TONSL: variants seen among roughly 807,000 people sequenced by gnomAD.
TONSL encodes tonsoku-like protein.
In TONSL, 112 loss-of-function variants were observed where a neutral mutation model predicts 147.1. That is an observed-to-expected ratio of 0.76 (90% CI 0.65 to 0.89). TONSL has a LOEUF of 0.89. Ranked by LOEUF, TONSL falls within the 40% of genes least tolerant of loss-of-function variation. TONSL has a pLI of 0.00. For synonymous variants in TONSL, 868 were observed against 801.5 expected (o/e 1.08, Z -1.40); for missense variants, 1,883 against 1,864.6 (o/e 1.01, Z -0.18).
chr8:144,431,266 GT>G, intron 23 of TONSL, 115 bp from the exon 24 acceptor site: 1 of 916,948 alleles, frequency 1.1e-6, no homozygotes, highest in Non-Finnish European at 1.7e-6. Context: ...CCCCCATCAA[GT>G]TGGAGATCGG....
In TONSL at chr8:144,429,106, G is replaced by C; in HGVS notation, c.*37C>G. 1 of 1,486,576 alleles carries C rather than the reference G, an allele frequency of 6.7e-7. No homozygotes were observed. Among genetic ancestry groups the C allele is most frequent in the Non-Finnish European group, 8.9e-7 (1 of 1,123,652 alleles). 92.1% of individuals were successfully genotyped at this position (1,486,576 alleles called of 1,614,324 possible). A position where few individuals can be genotyped will look rare whatever the true frequency, so the allele number is the denominator to read the frequency against. On this transcript the variant is annotated 3_prime_UTR_variant, in exon 26 of 26. Coordinates refer to ENST00000409379, the MANE Select transcript of TONSL (RefSeq NM_013432.5). ...GCCCGGCCAGCAGCTTCATTTATTA[G>C]GGGCTTCGGTGAGGGTGGGGAAAGG...
chr8:144,434,140 C>T lies in TONSL; in HGVS notation c.3225G>A (p.Leu1075=). The change falls in exon 21 of 26, where the codon CTG becomes CTA. Residue 1075 remains leucine, a synonymous_variant. Coordinates refer to ENST00000409379, the MANE Select transcript of TONSL (RefSeq NM_013432.5). ...CCCCCAGCCGGTTCCCTGCCAGGCG[C>T]AGCTCCCGGAGTGCTGTGTGCAGCT... is the stretch of plus-strand genomic sequence containing the variant. The part of the protein sequence containing the change: ...ALKLHTALRE[L]RLAGNRLGDK... 1 of 1,611,756 alleles carries T rather than the reference C, an allele frequency of 6.2e-7. No individual in the cohort carries two copies.
rs747205042 is a variant in TONSL, at chr8:144,435,938, G to T, written c.2495C>A (p.Ala832Asp). ...CATGTCCAGCTCCAGCCAGTCCCCG[G>T]CCAGGCACTCCTCCTCCGGGATGAG... The part of the protein sequence containing the change: ...AALIPEEECL[A>D]GDWLELDMPL... Residue 832 changes from alanine (A) to aspartate (D), a missense_variant, in exon 17 of 26, where the codon GCC becomes GAC. Physicochemically the swap from Ala to Asp is moderately radical, Grantham distance 126. Coordinates refer to ENST00000409379, the MANE Select transcript of TONSL (RefSeq NM_013432.5). 1.9e-6 allele frequency: 3 copies of T among 1,566,270 alleles called. No homozygotes were observed. The highest frequency in any genetic ancestry group is 3.5e-5 in the Admixed American group (2 of 57,014).
At chr8:144,429,838 G>A (rs1395956254) in intron 25 of TONSL, among the ~76,000 whole-genome samples, 1 of 152,162 alleles carries the variant, frequency 6.6e-6, no homozygotes, top group Non-Finnish European at 1.5e-5. Context: ...GCAGAGCCCC[G>A]CTTCGTGCAC....
chr8:144,429,228 G>C lies in TONSL; in HGVS notation c.4052C>G (p.Ala1351Gly). ...CCGACTGGGCTGCAGCTGGCGCAGG[G>C]CGTCCCTGTCCTCAGCGCAGAGGCG... ...SRRLCAEDRDALRQLQPSRPG... is the reference protein window; with the variant it reads ...SRRLCAEDRDGLRQLQPSRPG... Residue 1351 changes from alanine to glycine, a missense_variant, in exon 26 of 26, where the codon GCC becomes GGC. Transcript: ENST00000409379. 19 of 1,536,082 alleles carry C rather than the reference G, an allele frequency of 1.2e-5. No individual in the cohort carries two copies. The highest frequency in any genetic ancestry group is 1.7e-5 in the Non-Finnish European group (19 of 1,144,888).
chr8:144,437,635 G>C (rs538913741), intron 13 of TONSL: 6 of 156,452 alleles, frequency 3.8e-5, no homozygotes, highest in Admixed American at 1.2e-4. Context: ...ACAGAGTCTC[G>C]CTCTGTCACC....
In TONSL at chr8:144,430,447, G is replaced by A; in HGVS notation, c.3900C>T (p.Thr1300=). ...TAAGGCCTTGGGGCCGCTTTTGGAG[G>A]GTGGACAGGAGCTCTTCCAAGCTGG... ...SCASLEELLS[T]LQKRPQGLSF... Residue 1300 remains threonine (T), a synonymous_variant, in exon 25 of 26, where the codon ACC becomes ACT. Coordinates refer to ENST00000409379, the MANE Select transcript of TONSL (RefSeq NM_013432.5). 1.2e-6 allele frequency: 2 copies of A among 1,612,868 alleles called. No homozygotes were observed. Among genetic ancestry groups the A allele is most frequent in the South Asian group, 1.1e-5 (1 of 90,844 alleles).
chr8:144,435,773 C>T lies in TONSL; in HGVS notation c.2660G>A (p.Cys887Tyr). ...GGGCCCTGCGTTAACTGGCGCACTG[C>T]AACTCTGCATGCAGGTCAGGCGGAC... ...KQVRLTCMQSCSAPVNAGPSS... is the reference protein window; with the variant it reads ...KQVRLTCMQSYSAPVNAGPSS... Residue 887 changes from cysteine (C) to tyrosine (Y), a missense_variant, in exon 17 of 26, where the codon TGC becomes TAC. Physicochemically the swap from Cys to Tyr is radical, Grantham distance 194 (BLOSUM62 -2). Transcript: ENST00000409379. The T allele has an allele frequency of 6.2e-7, 1 of 1,612,896 alleles. No homozygotes were observed. The highest frequency in any genetic ancestry group is 8.5e-7 in the Non-Finnish European group (1 of 1,179,928).
Position 144,441,095 on chromosome 8 carries a change from C to T in TONSL, c.882G>A (p.Arg294=), listed in dbSNP as rs139669876. 146 of 1,612,826 alleles carry T rather than the reference C, an allele frequency of 9.1e-5. 2 individuals are homozygous for T. Among genetic ancestry groups the T allele is most frequent in the African/African-American group, 6.8e-4 (51 of 75,054 alleles). The change falls in exon 8 of 26, where the codon CGG becomes CGA. Residue 294 remains arginine (R), a synonymous_variant. Coordinates refer to ENST00000409379, the MANE Select transcript of TONSL (RefSeq NM_013432.5). ...CAGCCTCTTCCAGCTGTTGCTGCAG[C>T]CGGACCACTGCCAGCACTGCCGGGA... ...QNLQHVLAVV[R]LQQQLEEAEG... is the part of the protein sequence containing the mutation.
chr8:144,441,868 G>C (rs1823731711), intron 7 of TONSL, 169 bp downstream of exon 7: 1 of 592,040 alleles, frequency 1.7e-6, no homozygotes, highest in Non-Finnish European at 3.0e-6. Context: ...CTCCTGTCAG[G>C]AAGTAGGGGT....
intron 11 of TONSL, 81 bp downstream of exon 11, chr8:144,439,940 G>T (rs147239295): frequency 1.1e-4 from 75 of 712,062 alleles, no homozygotes; most frequent in Middle Eastern, 3.4e-4. Context: ...CCCTAAGCAG[G>T]CTCCACAGCA....
rs565607454 is a variant in TONSL at position 144,440,045 on chromosome 8, C to T, written c.1456G>A (p.Gly486Ser). The part of the protein sequence containing the change: ...ATAESEALEA[G>S]EVELSEGEDD... ...CCGCCCTCTGAGAGCTCCACCTCGC[C>T]GGCCTCCAGGGCTTCGCTCTCCGCT... The change falls in exon 11 of 26, where the codon GGC becomes AGC. Residue 486 changes from glycine (G) to serine (S), a missense_variant. By Grantham distance (56) the Gly-to-Ser change is moderately conservative (BLOSUM62 0). Transcript: ENST00000409379. 2.1e-5 allele frequency: 31 copies of T among 1,450,472 alleles called. No homozygotes were observed. The highest frequency in any genetic ancestry group is 2.7e-5 in the Non-Finnish European group (28 of 1,032,718). The allele number at this position is 1,450,472 out of a possible 1,614,324, so 89.9% of individuals were successfully genotyped here.
At chr8:144,440,242 T>A (rs1168119887) in intron 10 of TONSL, 32 bp from the exon 11 acceptor site, 3 of 1,566,928 alleles carry the variant, frequency 1.9e-6, no homozygotes, top group Non-Finnish European at 1.7e-6. Flanking sequence ...AGCTCAGGAC[T>A]GGGGGCTGTG....
At chr8:144,437,876 G>A (rs750204451) in intron 13 of TONSL, 24 of 159,590 alleles carry the variant, frequency 1.5e-4, no homozygotes, top group Non-Finnish European at 2.8e-4. Context: ...AAAGTGCTAG[G>A]ATTATAGACA....
Position 144,436,067 on chromosome 8 carries a change from C to A in TONSL, c.2366G>T (p.Arg789Leu). The A allele has an allele frequency of 6.4e-7, 1 of 1,571,742 alleles. No homozygotes were observed. The highest frequency in any genetic ancestry group is 1.1e-5 in the South Asian group (1 of 88,200). ...NREAATASTS[R>L]AAYQAAIRGV... ...CCGGATGGCTGCCTGGTAGGCTGCC[C>A]GGCTGGTGCTGGCTGTGGCTGCTTC... The change falls in exon 17 of 26, where the codon CGG becomes CTG. Residue 789 changes from arginine to leucine, a missense_variant. Transcript: ENST00000409379.
At position 144,429,203 on chromosome 8, in the gene TONSL, C is replaced by A. The variant is rs1298652009; in HGVS notation, c.4077G>T (p.Arg1359=). 6.5e-7 allele frequency: 1 copy of A among 1,534,756 alleles called. No individual in the cohort carries two copies. The highest frequency in any genetic ancestry group is 1.4e-5 in the African/African-American group (1 of 72,602). The stretch of plus-strand genomic sequence containing the variant: ...CCAGCGTGCACTCGCCGGGGCCCGG[C>A]CGACTGGGCTGCAGCTGGCGCAGGG... The part of the protein sequence containing the change: ...RDALRQLQPS[R]PGPGECTLDH... Residue 1359 remains arginine (R), a synonymous_variant, in exon 26 of 26, where the codon CGG becomes CGT. Coordinates refer to ENST00000409379, the MANE Select transcript of TONSL (RefSeq NM_013432.5).
At chr8:144,432,165 C>G in intron 23 of TONSL, 120 bp downstream of exon 23, 2 of 1,134,666 alleles carry the variant, frequency 1.8e-6, no homozygotes, top group Non-Finnish European at 2.5e-6. Flanking sequence ...CTCTAACTCT[C>G]TCTGTAGAGC....
intron 13 of TONSL, 179 bp downstream of exon 13, chr8:144,438,292 C>T (rs1823555407): frequency 1.6e-6 from 1 of 633,496 alleles, no homozygotes; most frequent in East Asian, 2.8e-5. Flanking sequence ...GCCTCAATCT[C>T]CCTCCCAGGA....
chr8:144,443,779 C>T (rs1227659124), intron 3 of TONSL, 103 bp downstream of exon 3: 2 of 1,460,190 alleles, frequency 1.4e-6, no homozygotes, highest in African/African-American at 1.4e-5. Context: ...GTCAGGTGTC[C>T]CCTCCAGCCC....
Sources: allele counts gnomAD v4.1 joint callset (sites outside exome capture counted in the v4.1 genomes callset), GRCh38; gene constraint gnomAD v4.1.1; transcripts MANE v1.5; gene names NCBI Gene and HGNC (gene_info 2026-07-23, HGNC 2026-07-21).